DDAH1: variants seen among roughly 807,000 people sequenced by gnomAD.
DDAH1 encodes the protein dimethylarginine dimethylaminohydrolase 1.
In DDAH1, 19 loss-of-function variants were observed where a neutral mutation model predicts 28.8. The observed-to-expected ratio is 0.66, with a 90% CI of 0.46 to 0.97. The LOEUF (loss-of-function observed/expected upper bound fraction) is 0.97. Ranked by LOEUF, DDAH1 falls within the 50% of genes least tolerant of loss-of-function variation. DDAH1 has a pLI of 0.00. For synonymous variants in DDAH1, 153 were observed against 154.4 expected (o/e 0.99, Z 0.07); for missense variants, 326 against 375.9 (o/e 0.87, Z 1.10).
intron 1 of DDAH1, chr1:85,376,962 A>C (rs928116299): frequency 3.3e-5 from 5 of 152,180 alleles, no homozygotes; most frequent in Admixed American, 3.3e-4. Context: ...ACTTTACCAA[A>C]TATTAAGTGA....
intron 1 of DDAH1, among the ~76,000 whole-genome samples, chr1:85,536,029 G>A (rs577847714): frequency 2.0e-5 from 3 of 152,064 alleles, no homozygotes; most frequent in South Asian, 2.1e-4. Flanking sequence ...GGGAGGCTAA[G>A]TTGGGCGGAT....
intron 1 of DDAH1, among the ~76,000 whole-genome samples, chr1:85,545,163 G>C (rs531403281): frequency 6.6e-6 from 1 of 152,128 alleles, no homozygotes; most frequent in African/African-American, 2.4e-5. Flanking sequence ...GAGCCAGGAC[G>C]TGACTCCCAA....
chr1:85,558,829 T>C (rs1374659563), intron 1 of DDAH1, among the ~76,000 whole-genome samples: 2 of 152,196 alleles, frequency 1.3e-5, no homozygotes, highest in Admixed American at 6.5e-5. Flanking sequence ...GATCTTGATG[T>C]ACATAGAATT....
chr1:85,559,022 A>G (rs1659066252), intron 1 of DDAH1, among the ~76,000 whole-genome samples: 1 of 152,210 alleles, frequency 6.6e-6, no homozygotes, highest in Non-Finnish European at 1.5e-5. Context: ...CTGGTAGTGG[A>G]AGTATAAACT....
At chr1:85,476,773 T>C (rs1655818236) in intron 2 of DDAH1, among the ~76,000 whole-genome samples, 1 of 152,228 alleles carries the variant, frequency 6.6e-6, no homozygotes, top group Admixed American at 6.5e-5. Flanking sequence ...GTCACACTCT[T>C]AGTATCAAGT....
chr1:85,475,390 C>T (rs763206809), intron 2 of DDAH1, among the ~76,000 whole-genome samples: 1 of 152,138 alleles, frequency 6.6e-6, no homozygotes, highest in Non-Finnish European at 1.5e-5. Flanking sequence ...TGACTTTCAA[C>T]AAAGGTTACT....
At chr1:85,475,810 T>A (rs1020498294) in intron 2 of DDAH1, among the ~76,000 whole-genome samples, 1 of 152,170 alleles carries the variant, frequency 6.6e-6, no homozygotes, top group African/African-American at 2.4e-5. Flanking sequence ...CCTGAACTCT[T>A]ACCTCTGAGG....
intron 1 of DDAH1, among the ~76,000 whole-genome samples, chr1:85,454,200 T>C (rs1654786164): frequency 6.6e-6 from 1 of 152,212 alleles, no homozygotes; most frequent in Non-Finnish European, 1.5e-5. Flanking sequence ...TAACCTTCCC[T>C]TAACCAGGTT....
chr1:85,450,280 T>C (rs935447874), intron 1 of DDAH1, among the ~76,000 whole-genome samples: 1 of 152,210 alleles, frequency 6.6e-6, no homozygotes, highest in Admixed American at 6.5e-5. Flanking sequence ...CAATTGCCTG[T>C]TGAATAAATA....
intron 1 of DDAH1, among the ~76,000 whole-genome samples, chr1:85,420,117 G>C (rs561146276): frequency 1.3e-5 from 2 of 152,058 alleles, no homozygotes; most frequent in African/African-American, 4.8e-5. Flanking sequence ...GCAGTGTCCC[G>C]AGGCTGTGCA....
At chr1:85,534,565 G>T (rs555226403) in intron 1 of DDAH1, among the ~76,000 whole-genome samples, 48 of 152,114 alleles carry the variant, frequency 3.2e-4, no homozygotes, top group African/African-American at 1.1e-3. Context: ...CACTAGGAGA[G>T]GTATCATTAT....
At chr1:85,400,177 C>CTTTTTTTTT in intron 1 of DDAH1, among the ~76,000 whole-genome samples, 1 of 54,946 alleles carries the variant, frequency 1.8e-5, no homozygotes, top group Non-Finnish European at 4.0e-5. Context: ...CTTTTCTTTT[C>CTTTTTTTTT]TTTTTTTTTT....
At chr1:85,487,419 C>T (rs1446630128) in intron 2 of DDAH1, among the ~76,000 whole-genome samples, 1 of 152,170 alleles carries the variant, frequency 6.6e-6, no homozygotes, top group Non-Finnish European at 1.5e-5. Flanking sequence ...ACATCTGCTC[C>T]TATTCTTTCA....
chr1:85,501,077 TA>T (rs555766774), intron 1 of DDAH1, among the ~76,000 whole-genome samples: 31 of 152,290 alleles, frequency 2.0e-4, no homozygotes, highest in African/African-American at 6.0e-4. Flanking sequence ...TCTATTGACT[TA>T]AAAAAATCTG....
At chr1:85,519,736 A>G (rs1287659364) in intron 1 of DDAH1, among the ~76,000 whole-genome samples, 49 of 152,200 alleles carry the variant, frequency 3.2e-4, no homozygotes, top group Non-Finnish European at 6.5e-4. Context: ...AGAAAATAAC[A>G]AAATCCATAT....
Position 85,418,396 on chromosome 1 carries a change from A to G in DDAH1, c.303+46347T>C, listed in dbSNP as rs942577713. Reference sequence around the variant, plus strand: ...ATTTATGAAATTCCTTAAAAAACAAATTTCTTTTTATGTGTTTATTATACA... The same window carrying G: ...ATTTATGAAATTCCTTAAAAAACAAGTTTCTTTTTATGTGTTTATTATACA... On this transcript the variant is annotated intron_variant, in intron 1 of 5. Transcript: ENST00000284031. Among the ~76,000 whole-genome samples the G allele has an allele frequency of 4.6e-5, 7 of 152,290 alleles. 1 individual carries two copies. The highest frequency in any genetic ancestry group is 2.0e-4 in the Admixed American group (3 of 15,298).
chr1:85,443,118 T>C (rs1371259289), intron 1 of DDAH1, among the ~76,000 whole-genome samples: 1 of 152,218 alleles, frequency 6.6e-6, no homozygotes, highest in African/African-American at 2.4e-5. Flanking sequence ...ATGTCCTGAA[T>C]GGTATTGTCT....
chr1:85,507,794 C>A (rs1468620805), intron 1 of DDAH1, among the ~76,000 whole-genome samples: 7 of 152,044 alleles, frequency 4.6e-5, no homozygotes, highest in Non-Finnish European at 7.4e-5. Context: ...AGTCCTTCTC[C>A]CCACATAAAA....
At chr1:85,485,550 C>T (rs563433705) in intron 2 of DDAH1, among the ~76,000 whole-genome samples, 1 of 152,212 alleles carries the variant, frequency 6.6e-6, no homozygotes, top group South Asian at 2.1e-4. Context: ...AACTAAAGTC[C>T]TGCAAATTTT....
Sources: allele counts gnomAD v4.1 joint callset (sites outside exome capture counted in the v4.1 genomes callset), GRCh38; gene constraint gnomAD v4.1.1; transcripts MANE v1.5; gene names NCBI Gene and HGNC (gene_info 2026-07-23, HGNC 2026-07-21).